Variants in RGS7 observed in about 807,000 individuals in gnomAD.
RGS7 encodes the protein regulator of G-protein signaling 7.
RGS7 carries 27 observed loss-of-function variants against 81.1 expected under a neutral mutation model. That is an observed-to-expected ratio of 0.33 (90% CI 0.25 to 0.46). RGS7 has a LOEUF of 0.46. RGS7 is among the 20% of genes least tolerant of loss of function. RGS7 has a pLI of 1.00. For synonymous variants in RGS7, 208 were observed against 207.7 expected, an observed-to-expected ratio of 1.00 and a Z score of -0.01; for missense variants, 396 against 607.4, an observed-to-expected ratio of 0.65 and a Z score of 3.66.
At chr1:241,061,914 C>T (rs578023680) in intron 3 of RGS7, among the ~76,000 whole-genome samples, 36 of 152,316 alleles carry the variant, frequency 2.4e-4, no homozygotes, top group Admixed American at 2.3e-3. Context: ...GTCTACCTAG[C>T]TGCAAGCTCC....
chr1:240,858,825 C>T (rs1249477217), intron 9 of RGS7, among the ~76,000 whole-genome samples: 1 of 152,084 alleles, frequency 6.6e-6, no homozygotes, highest in Admixed American at 6.6e-5. Context: ...GTCTTGAATA[C>T]CTGGAATAAT....
chr1:241,026,861 T>C (rs1034458850), intron 3 of RGS7, among the ~76,000 whole-genome samples: 1 of 152,006 alleles, frequency 6.6e-6, no homozygotes, highest in Non-Finnish European at 1.5e-5. Context: ...AGAGGATCTC[T>C]CTGAGTGATC....
intron 3 of RGS7, among the ~76,000 whole-genome samples, chr1:241,041,740 A>G (rs2060629397): frequency 2.0e-5 from 3 of 152,114 alleles, no homozygotes; most frequent in Admixed American, 6.5e-5. Flanking sequence ...GACTCAAGTT[A>G]CCCATTACAT....
At chr1:241,061,054 C>T (rs550406805) in intron 3 of RGS7, among the ~76,000 whole-genome samples, 89 of 152,308 alleles carry the variant, frequency 5.8e-4, no homozygotes, top group African/African-American at 2.1e-3. Context: ...GAATAAACTG[C>T]GTGAGCATCA....
intron 2 of RGS7, among the ~76,000 whole-genome samples, chr1:241,210,819 C>T (rs914462526): frequency 9.9e-5 from 15 of 152,080 alleles, no homozygotes; most frequent in African/African-American, 2.2e-4. Context: ...TGACACAGGG[C>T]GAAGGGACCT....
At chr1:241,256,016 G>C (rs1573377691) in intron 2 of RGS7, among the ~76,000 whole-genome samples, 1 of 152,026 alleles carries the variant, frequency 6.6e-6, no homozygotes. Flanking sequence ...AAAGAAGAGA[G>C]ATCTGGAACA....
intron 2 of RGS7, among the ~76,000 whole-genome samples, chr1:241,336,570 G>T (rs1044799727): frequency 6.6e-6 from 1 of 152,170 alleles, no homozygotes; most frequent in South Asian, 2.1e-4. Flanking sequence ...TGTAACTCAT[G>T]CTTCCTCCTT....
At chr1:241,162,222 G>GCGCCCCCCCCACCCCC (rs68166816) in intron 2 of RGS7, among the ~76,000 whole-genome samples, 2 of 142,028 alleles carry the variant, frequency 1.4e-5, no homozygotes, top group African/African-American at 5.3e-5. Flanking sequence ...CTGGTGATCA[G>GCGCCCCCCCCACCCCC]CTTCCAAATA....
Position 240,776,013 on chromosome 1 carries a change from T to C in RGS7, c.*207A>G, listed in dbSNP as rs925295260. Reference sequence around the variant, plus strand: ...GGAGGCATTGAGACGGAAGAGTCCATTGGAGATGGAATGTACACACAAAAA... The same window carrying C: ...GGAGGCATTGAGACGGAAGAGTCCACTGGAGATGGAATGTACACACAAAAA... On this transcript the variant is annotated 3_prime_UTR_variant, in exon 19 of 19. Coordinates refer to ENST00000440928, the MANE Select transcript of RGS7 (RefSeq NM_001364886.1). 3 of 705,708 alleles carry C rather than the reference T, an allele frequency of 4.3e-6. 1 individual carries two copies. The highest frequency in any genetic ancestry group is 2.7e-6 in the Non-Finnish European group (1 of 377,148). 43.7% of individuals were successfully genotyped at this position (705,708 alleles called of 1,614,324 possible).
chr1:240,817,673 G>A (rs1321966409), intron 10 of RGS7, among the ~76,000 whole-genome samples: 1 of 152,028 alleles, frequency 6.6e-6, no homozygotes, highest in African/African-American at 2.4e-5. Flanking sequence ...CGTAATCTTG[G>A]CTCACCGCAA....
chr1:240,908,555 C>T (rs988931356), intron 6 of RGS7, among the ~76,000 whole-genome samples: 11 of 152,204 alleles, frequency 7.2e-5, no homozygotes, highest in African/African-American at 2.4e-4. Context: ...GTTGCTCTTA[C>T]ACTGACACTG....
chr1:240,954,971 G>T (rs536294023), intron 4 of RGS7, among the ~76,000 whole-genome samples: 1 of 152,136 alleles, frequency 6.6e-6, no homozygotes, highest in African/African-American at 2.4e-5. Flanking sequence ...ATTGGAACTT[G>T]AATTTAACAA....
chr1:241,147,783 TATATATATATATATATATATATA>T (rs2068436042), intron 2 of RGS7, among the ~76,000 whole-genome samples: 4 of 90,584 alleles, frequency 4.4e-5, no homozygotes, highest in Admixed American at 2.1e-4. Flanking sequence ...TTAAGTTTTA[TATATATATATATATATATATATA>T]TATATATATA....
rs531580374 is a variant in RGS7 at position 240,777,368 on chromosome 1, A to G, written c.*7-1155T>C. 6.6e-5 allele frequency among the ~76,000 whole-genome samples: 10 copies of G among 152,348 alleles called. No homozygotes were observed. In the East Asian group the frequency reaches 1.9e-3, roughly 29 times the overall value. On this transcript the variant is annotated intron_variant, in intron 18 of 18. Coordinates refer to ENST00000440928, the MANE Select transcript of RGS7 (RefSeq NM_001364886.1). ...CATGTCTTATTTTATATGTTCTATT[A>G]TAAAATTATGTGGGCCAGTTATTTA... is the stretch of plus-strand genomic sequence containing the variant.
chr1:240,898,940 G>A (rs1669531513), intron 6 of RGS7, among the ~76,000 whole-genome samples: 1 of 152,120 alleles, frequency 6.6e-6, no homozygotes, highest in Admixed American at 6.6e-5. Context: ...AGGTCTCTAA[G>A]GACTTGCTTT....
rs370312935 is a variant in RGS7 at position 240,917,771 on chromosome 1, A to G, written c.385+12946T>C. Among the ~76,000 whole-genome samples, 23 of 152,312 alleles carry G rather than the reference A, an allele frequency of 1.5e-4. 1 individual carries two copies. The highest frequency in any genetic ancestry group is 8.3e-4 in the South Asian group (4 of 4,832). On this transcript the variant is annotated intron_variant, in intron 6 of 18. Transcript: ENST00000440928. ...TATAGATATTAAACCAACAATATTA[A>G]TAACCACTTTAAATGTGAATGATAT...
intron 9 of RGS7, among the ~76,000 whole-genome samples, chr1:240,834,568 G>A (rs1405438072): frequency 6.6e-6 from 1 of 151,986 alleles, no homozygotes; most frequent in Admixed American, 6.6e-5. Context: ...TGGAGTGCAG[G>A]GGCGTGACCT....
chr1:240,960,855 TC>T (rs1558527698), intron 4 of RGS7, among the ~76,000 whole-genome samples: 1 of 152,210 alleles, frequency 6.6e-6, no homozygotes, highest in Non-Finnish European at 1.5e-5. Flanking sequence ...AATGCAGGTA[TC>T]TTTTTTCACA....
intron 4 of RGS7, among the ~76,000 whole-genome samples, chr1:240,966,168 A>T (rs991703201): frequency 2.0e-5 from 3 of 151,254 alleles, no homozygotes; most frequent in Non-Finnish European, 4.4e-5. Flanking sequence ...TAAACTATAT[A>T]AAAAAAAAGT....
Sources: allele counts gnomAD v4.1 joint callset (sites outside exome capture counted in the v4.1 genomes callset), GRCh38; gene constraint gnomAD v4.1.1; transcripts MANE v1.5; gene names NCBI Gene and HGNC (gene_info 2026-07-23, HGNC 2026-07-21).